Variants in RIMKLB observed in about 807,000 individuals in gnomAD.
The protein encoded by RIMKLB is beta-citrylglutamate synthase B.
A neutral mutation model predicts 32.0 loss-of-function variants in RIMKLB; 7 were observed. That is an observed-to-expected ratio of 0.22 (90% CI 0.12 to 0.41). The LOEUF (loss-of-function observed/expected upper bound fraction) is 0.41, where lower values mean the gene tolerates loss of function less well. RIMKLB is among the 10% of genes least tolerant of loss of function. RIMKLB has a pLI of 1.00. For synonymous variants in RIMKLB, 172 were observed against 185.1 expected (o/e 0.93, Z 0.57); for missense variants, 289 against 498.7 (o/e 0.58, Z 4.00).
At chr12:8,740,405 T>C (rs1052484662) in intron 2 of RIMKLB, among the ~76,000 whole-genome samples, 3 of 152,148 alleles carry the variant, frequency 2.0e-5, no homozygotes, top group African/African-American at 7.2e-5. Flanking sequence ...ATGGGTAAGT[T>C]CTTTAGTGGT....
At chr12:8,690,161 A>G (rs777232390) in intron 1 of RIMKLB, among the ~76,000 whole-genome samples, 5 of 152,332 alleles carry the variant, frequency 3.3e-5, no homozygotes, top group African/African-American at 1.2e-4. Context: ...AAGTTCGAGA[A>G]AAAGCATAAT....
chr12:8,688,343 A>G (rs1942638680), intron 1 of RIMKLB, among the ~76,000 whole-genome samples: 1 of 152,220 alleles, frequency 6.6e-6, no homozygotes, highest in Admixed American at 6.5e-5. Flanking sequence ...GTCAGAATTT[A>G]GAAGAAAATA....
In RIMKLB at chr12:8,699,319, CTA is replaced by C. The variant is rs1286619363; in HGVS notation, c.-57+1025_-57+1026del. 2.0e-5 allele frequency among the ~76,000 whole-genome samples: 3 copies of C among 152,052 alleles called. No homozygotes were observed. In the East Asian group the frequency reaches 5.8e-4, roughly 29 times the overall value. Reference sequence around the variant, plus strand: ...ATTTATGGGTGTTCTTAATTATTAACTATAACCATTTAAATTGAAATGTTTTT... The same window carrying C: ...ATTTATGGGTGTTCTTAATTATTAACTAACCATTTAAATTGAAATGTTTTT... On this transcript the variant is annotated intron_variant, in intron 1 of 5. Coordinates refer to ENST00000535829, the MANE Select transcript of RIMKLB (RefSeq NM_001297776.2).
intron 1 of RIMKLB, among the ~76,000 whole-genome samples, chr12:8,711,819 A>G (rs1047649254): frequency 1.3e-5 from 2 of 152,152 alleles, no homozygotes; most frequent in African/African-American, 4.8e-5. Context: ...CTGTGTGGCT[A>G]TAACTTTTTT....
downstream of RIMKLB, chr12:8,777,213 T>TAA: frequency 1.1e-6 from 1 of 931,924 alleles, no homozygotes; most frequent in Non-Finnish European, 1.2e-6. Flanking sequence ...CTTGCTTGCT[T>TAA]TCTTTTTTTT....
At chr12:8,720,151 CA>C (rs1216643968) in intron 2 of RIMKLB, among the ~76,000 whole-genome samples, 1 of 152,168 alleles carries the variant, frequency 6.6e-6, no homozygotes, top group East Asian at 1.9e-4. Context: ...GTAATGAAGA[CA>C]TTTTTCAGTT....
chr12:8,779,249 C>CT (rs1264490846), downstream of RIMKLB: 1 of 151,870 alleles, frequency 6.6e-6, no homozygotes. Flanking sequence ...AATGATCTTG[C>CT]TTTTAGATTT....
At chr12:8,695,731 T>C (rs919672104), upstream of RIMKLB, among the ~76,000 whole-genome samples, 71 of 151,038 alleles carry the variant, frequency 4.7e-4, no homozygotes, top group Non-Finnish European at 5.6e-4. Flanking sequence ...AGTTTTGCTC[T>C]TGTTGCCCAG....
chr12:8,730,120 C>G (rs868130964), intron 2 of RIMKLB, among the ~76,000 whole-genome samples: 9 of 152,174 alleles, frequency 5.9e-5, no homozygotes, highest in South Asian at 4.1e-4. Flanking sequence ...GTTTCTCACT[C>G]TGTCACCCAG....
At chr12:8,693,602 GGACCAGGCTGGTCTTGAACTCCC>G (rs1476175548), upstream of RIMKLB, among the ~76,000 whole-genome samples, 1 of 151,722 alleles carries the variant, frequency 6.6e-6, no homozygotes, top group African/African-American at 2.4e-5. Flanking sequence ...TCACCATGTT[GGACCAGGCTGGTCTTGAACTCCC>G]GACCTTAGGT....
the RIMKLB span, among the ~76,000 whole-genome samples, chr12:8,673,739 G>A: frequency 6.6e-6 from 1 of 151,972 alleles, no homozygotes; most frequent in Admixed American, 6.6e-5. Context: ...GGGACTACAG[G>A]TGCGTGCCAC....
intron 1 of RIMKLB, among the ~76,000 whole-genome samples, chr12:8,704,515 T>A (rs1454304740): frequency 6.6e-6 from 1 of 152,208 alleles, no homozygotes; most frequent in African/African-American, 2.4e-5. Context: ...TTGTAACAAA[T>A]AGAATTGTTT....
rs144965018 is a variant in RIMKLB at position 8,723,501 on chromosome 12, A to G, written c.175+9460A>G. Among the ~76,000 whole-genome samples the G allele has an allele frequency of 3.1e-3, 474 of 152,366 alleles. 6 individuals carry two copies. The highest frequency in any genetic ancestry group is 0.011 in the African/African-American group (453 of 41,588). ...CACAAAGTGAGCACTTGCTGTTGCA[A>G]AAATGACACTGATTGACTTGCTTGA... On this transcript the variant is annotated intron_variant, in intron 2 of 5. Transcript: ENST00000535829.
At chr12:8,736,452 AGTTT>A (rs368827628) in intron 2 of RIMKLB, among the ~76,000 whole-genome samples, 9 of 149,696 alleles carry the variant, frequency 6.0e-5, no homozygotes, top group South Asian at 4.2e-4. Context: ...CACTCCGTGT[AGTTT>A]GTTTGTTTGT....
In RIMKLB at chr12:8,776,673, T is replaced by G. The variant is rs1950744790; in HGVS notation, c.*2889T>G. On this transcript the variant is annotated 3_prime_UTR_variant, in exon 6 of 6. Transcript: ENST00000535829. ...CTATTCTATTTAAAATTTTTAATAG[T>G]TTTTTTCTTTTTTGGTGCCTATAAT... The G allele has an allele frequency of 1.0e-6, 1 of 979,652 alleles. No individual in the cohort carries two copies. Among genetic ancestry groups the G allele is most frequent in the Non-Finnish European group, 1.2e-6 (1 of 824,740 alleles). 60.7% of individuals were successfully genotyped at this position (979,652 alleles called of 1,614,324 possible). A position where few individuals can be genotyped will look rare whatever the true frequency, so the allele number is the denominator to read the frequency against.
chr12:8,736,103 A>T (rs147813521), intron 2 of RIMKLB, among the ~76,000 whole-genome samples: 1 of 152,242 alleles, frequency 6.6e-6, no homozygotes, highest in African/African-American at 2.4e-5. Context: ...CAACTGAAAG[A>T]TTTCTTCCTC....
rs1950690916 is a variant in RIMKLB at position 8,775,761 on chromosome 12, CT to C, written c.*1978del. ...ATTGTTGATGAATAGAATAGTACCT[CT>C]CATCTGTGCAGTGTCTCATTTCACC... On this transcript the variant is annotated 3_prime_UTR_variant, in exon 6 of 6. Coordinates refer to ENST00000535829, the MANE Select transcript of RIMKLB (RefSeq NM_001297776.2). The C allele has an allele frequency of 3.0e-6, 3 of 985,268 alleles. No individual in the cohort carries two copies. The South Asian group carries it at 1.4e-4, about 46-fold the overall frequency. 61.0% of individuals were successfully genotyped at this position (985,268 alleles called of 1,614,324 possible).
intron 5 of RIMKLB, among the ~76,000 whole-genome samples, chr12:8,757,703 G>A (rs1439205369): frequency 6.6e-6 from 1 of 151,694 alleles, no homozygotes; most frequent in Non-Finnish European, 1.5e-5. Context: ...ATTATTTTAT[G>A]TTATAAAACT....
In RIMKLB at chr12:8,774,598, T is replaced by C; in HGVS notation, c.*814T>C. 1 of 973,122 alleles carries C rather than the reference T, an allele frequency of 1.0e-6. No homozygotes were observed. The highest frequency in any genetic ancestry group is 1.2e-6 in the Non-Finnish European group (1 of 818,756). 60.3% of individuals were successfully genotyped at this position (973,122 alleles called of 1,614,324 possible). ...TTTTTTTTTTTTTTTTAATACATGCTAGTCTAACATTTCCTGCTCTATGCC... is the reference window on the plus strand; with the variant it reads ...TTTTTTTTTTTTTTTTAATACATGCCAGTCTAACATTTCCTGCTCTATGCC... On this transcript the variant is annotated 3_prime_UTR_variant, in exon 6 of 6. Coordinates refer to ENST00000535829, the MANE Select transcript of RIMKLB (RefSeq NM_001297776.2).
Sources: allele counts gnomAD v4.1 joint callset (sites outside exome capture counted in the v4.1 genomes callset), GRCh38; gene constraint gnomAD v4.1.1; transcripts MANE v1.5; gene names NCBI Gene and HGNC (gene_info 2026-07-23, HGNC 2026-07-21).